Variants in EHBP1 observed in about 807,000 individuals in gnomAD.
EHBP1 encodes EH domain-binding protein 1.
In EHBP1, 55 loss-of-function variants were observed where a neutral mutation model predicts 144.0. The observed-to-expected ratio is 0.38, with a 90% confidence interval of 0.31 to 0.48. EHBP1 has a LOEUF of 0.48. Ranked by LOEUF, EHBP1 falls within the 20% of genes least tolerant of loss-of-function variation. The probability of loss-of-function intolerance (pLI) is 0.98; values close to 1 mark genes in which losing one functional copy is unlikely to be tolerated. For synonymous variants in EHBP1, 469 were observed against 472.7 expected (o/e 0.99, Z 0.10); for missense variants, 1,200 against 1,364.2 (o/e 0.88, Z 1.90).
At chr2:62,687,913 C>A (rs573528260) in intron 1 of EHBP1, among the ~76,000 whole-genome samples, 2 of 152,216 alleles carry the variant, frequency 1.3e-5, no homozygotes, top group East Asian at 3.9e-4. Context: ...GTGAAATGAG[C>A]TGATAGGTGG....
chr2:62,748,825 A>G (rs1197655798), intron 3 of EHBP1, among the ~76,000 whole-genome samples: 1 of 152,034 alleles, frequency 6.6e-6, no homozygotes, highest in African/African-American at 2.4e-5. Flanking sequence ...AAAATTTTTT[A>G]TTTAGGGCCT....
intron 1 of EHBP1, among the ~76,000 whole-genome samples, chr2:62,700,375 G>A (rs577780242): frequency 6.6e-6 from 1 of 152,144 alleles, no homozygotes; most frequent in African/African-American, 2.4e-5. Flanking sequence ...CTTAATCATA[G>A]TCAATTTGGC....
chr2:62,830,800 C>T (rs1393070063), intron 6 of EHBP1, among the ~76,000 whole-genome samples: 2 of 152,088 alleles, frequency 1.3e-5, no homozygotes, highest in African/African-American at 4.8e-5. Context: ...TTGATCTAAC[C>T]AGTTAATTTT....
At chr2:62,858,552 G>C in intron 7 of EHBP1, 1 of 1,326,914 alleles carries the variant, frequency 7.5e-7, no homozygotes, top group Non-Finnish European at 1.1e-6. Context: ...CTGATTGCCT[G>C]TATTTACTGT....
intron 9 of EHBP1, among the ~76,000 whole-genome samples, chr2:62,871,885 C>T (rs2152837267): frequency 6.6e-6 from 1 of 152,196 alleles, no homozygotes; most frequent in South Asian, 2.1e-4. Context: ...TTCAACTCTT[C>T]TAGTTTATGT....
intron 7 of EHBP1, among the ~76,000 whole-genome samples, chr2:62,839,299 T>A (rs1037171757): frequency 3.6e-4 from 55 of 151,012 alleles, no homozygotes; most frequent in Non-Finnish European, 5.9e-5. Flanking sequence ...CAACCCTTCA[T>A]GCTAAAAACT....
chr2:62,941,856 C>T (rs1197143072), intron 10 of EHBP1, among the ~76,000 whole-genome samples: 1 of 151,956 alleles, frequency 6.6e-6, no homozygotes, highest in African/African-American at 2.4e-5. Context: ...TTGTACTAGC[C>T]TCTAAAGTTA....
chr2:62,821,856 A>C (rs1326384427), intron 5 of EHBP1, among the ~76,000 whole-genome samples: 4 of 152,078 alleles, frequency 2.6e-5, no homozygotes, highest in Non-Finnish European at 5.9e-5. Context: ...ATTTTTGTGG[A>C]TACATAGGTG....
chr2:62,785,958 G>A (rs761338776), intron 5 of EHBP1, among the ~76,000 whole-genome samples: 13 of 151,718 alleles, frequency 8.6e-5, no homozygotes, highest in South Asian at 2.1e-4. Flanking sequence ...ACCTTTCTGC[G>A]TGTTGTTCCA....
At chr2:62,976,614 T>C (rs983930516) in intron 14 of EHBP1, among the ~76,000 whole-genome samples, 5 of 152,232 alleles carry the variant, frequency 3.3e-5, no homozygotes, top group African/African-American at 1.2e-4. Context: ...TTTCCTCTTA[T>C]GTACGTATAG....
chr2:62,754,547 A>G (rs1220102989), intron 3 of EHBP1, among the ~76,000 whole-genome samples: 1 of 152,168 alleles, frequency 6.6e-6, no homozygotes, highest in African/African-American at 2.4e-5. Context: ...AAGTCTGCAG[A>G]GGTTTCTGCT....
At position 63,042,621 on chromosome 2, in the gene EHBP1, A is replaced by G. The variant is rs1460353839; in HGVS notation, c.3278-2445A>G. Among the ~76,000 whole-genome samples the G allele has an allele frequency of 3.3e-5, 5 of 152,178 alleles. No individual in the cohort carries two copies. The East Asian group carries it at 9.6e-4, about 29-fold the overall frequency. On this transcript the variant is annotated intron_variant, in intron 21 of 22. Transcript: ENST00000431489. ...TTTTAAATGATTTCATTACAGTTAT[A>G]GAAAATGTCATTACTGAGCTAGGGA...
At chr2:62,681,340 G>GTGTGTATATATATATA (rs1171760462) in intron 1 of EHBP1, among the ~76,000 whole-genome samples, 1 of 58,554 alleles carries the variant, frequency 1.7e-5, no homozygotes, top group African/African-American at 8.6e-5. Context: ...ATGTGTGTGT[G>GTGTGTATATATATATA]TATATATATA....
At chr2:62,841,558 A>T (rs959890093) in intron 7 of EHBP1, among the ~76,000 whole-genome samples, 9 of 152,152 alleles carry the variant, frequency 5.9e-5, no homozygotes, top group Non-Finnish European at 1.2e-4. Context: ...ATGCAGTATG[A>T]TTCTCTTCTT....
chr2:62,977,173 TA>T lies in EHBP1; in HGVS notation c.2461-2002del, dbSNP rs1299604271. Among the ~76,000 whole-genome samples the T allele has an allele frequency of 9.8e-3, 1,384 of 140,958 alleles. 8 individuals carry two copies. Among genetic ancestry groups the T allele is most frequent in the Middle Eastern group, 0.038 (11 of 286 alleles). The allele number at this position is 140,958 out of a possible 152,430, so 92.5% of individuals were successfully genotyped here. A position where few individuals can be genotyped will look rare whatever the true frequency, so the allele number is the denominator to read the frequency against. ...CTCTAATTGATGATTCCCCTAGACT[TA>T]AAAAAAAAAAAAGACATATGCATAA... is the stretch of plus-strand genomic sequence containing the variant. On this transcript the variant is annotated intron_variant, in intron 14 of 22. Transcript: ENST00000431489.
chr2:62,962,751 T>C (rs2058060247), intron 14 of EHBP1, among the ~76,000 whole-genome samples: 1 of 152,242 alleles, frequency 6.6e-6, no homozygotes, highest in African/African-American at 2.4e-5. Flanking sequence ...TCAGTGAATT[T>C]ATAAATATGT....
chr2:62,873,877 T>C (rs998454083), intron 9 of EHBP1, among the ~76,000 whole-genome samples: 1 of 152,222 alleles, frequency 6.6e-6, no homozygotes, highest in Non-Finnish European at 1.5e-5. Flanking sequence ...GAGAATTTAC[T>C]ATAAGCAGAA....
chr2:62,762,390 C>T (rs2040837757), intron 3 of EHBP1, among the ~76,000 whole-genome samples: 1 of 152,122 alleles, frequency 6.6e-6, no homozygotes, highest in African/African-American at 2.4e-5. Context: ...TAAATATTAC[C>T]TGTATGCTGA....
chr2:62,746,414 A>G (rs1220047593), intron 2 of EHBP1, among the ~76,000 whole-genome samples: 6 of 152,006 alleles, frequency 3.9e-5, no homozygotes, highest in Non-Finnish European at 5.9e-5. Flanking sequence ...ATTTAATTAA[A>G]TGAAATAGGA....
Sources: gnomAD v4.1 joint callset for allele counts (sites outside exome capture counted in the v4.1 genomes callset) on GRCh38, gnomAD v4.1.1 for gene constraint, MANE v1.5 for transcripts, NCBI Gene and HGNC (gene_info 2026-07-23, HGNC 2026-07-21) for gene names.